The following TBC1D14 variants were observed in gnomAD, a reference collection of about 807,000 sequenced individuals.
TBC1D14 encodes the protein TBC1 domain family, member 14.
TBC1D14 carries 26 observed loss-of-function variants against 79.0 expected under a neutral mutation model. The ratio of observed to expected loss-of-function variants is 0.33; its 90% CI spans 0.24 to 0.46. TBC1D14 has a LOEUF of 0.46. Ranked by LOEUF, TBC1D14 falls within the 20% of genes least tolerant of loss-of-function variation. The pLI, the probability that TBC1D14 is intolerant of heterozygous loss-of-function variation, is 1.00. For synonymous variants in TBC1D14, 394 were observed against 349.9 expected (o/e 1.13, Z -1.40); for missense variants, 769 against 887.6 (o/e 0.87, Z 1.70).
At chr4:7,016,160 C>T (rs377368240) in intron 12 of TBC1D14, among the ~76,000 whole-genome samples, 2 of 152,230 alleles carry the variant, frequency 1.3e-5, no homozygotes, top group East Asian at 3.8e-4. Context: ...GTTCTCACTC[C>T]ACTGACCTTT....
At chr4:7,006,568 G>A in intron 8 of TBC1D14, 64 bp from the exon 9 acceptor site, 3 of 1,460,074 alleles carry the variant, frequency 2.1e-6, no homozygotes, top group South Asian at 2.4e-5. Context: ...AAACTTCAAA[G>A]GCTCGTAATT....
chr4:7,002,989 G>A (rs1049061938), intron 7 of TBC1D14, among the ~76,000 whole-genome samples: 13 of 152,172 alleles, frequency 8.5e-5, no homozygotes, highest in Non-Finnish European at 1.6e-4. Flanking sequence ...CCTAGGCCCA[G>A]GCTAATCCTA....
At chr4:7,002,713 TAAG>T in intron 7 of TBC1D14, among the ~76,000 whole-genome samples, 1 of 152,302 alleles carries the variant, frequency 6.6e-6, no homozygotes, top group South Asian at 2.1e-4. Flanking sequence ...GGCAGGCCCT[TAAG>T]AAATACCTGC....
At chr4:7,021,658 CT>C (rs10707809) in intron 12 of TBC1D14, among the ~76,000 whole-genome samples, 130,417 of 149,482 alleles carry the variant, frequency 0.87, 56,877 homozygotes, top group East Asian at 0.97. Context: ...CTTGAAATTA[CT>C]TTTTTTTTTT....
chr4:6,916,379 T>C (rs1383039429), intron 1 of TBC1D14, among the ~76,000 whole-genome samples: 1 of 152,142 alleles, frequency 6.6e-6, no homozygotes, highest in African/African-American at 2.4e-5. Flanking sequence ...CAGCATGACT[T>C]CTCCCTGAAG....
At chr4:6,943,190 A>T (rs1342239705) in intron 2 of TBC1D14, among the ~76,000 whole-genome samples, 1 of 151,806 alleles carries the variant, frequency 6.6e-6, no homozygotes. Context: ...GAAGCGGCAC[A>T]CACAACTCCA....
At chr4:6,919,551 C>T (rs1723668082) in intron 1 of TBC1D14, among the ~76,000 whole-genome samples, 1 of 152,116 alleles carries the variant, frequency 6.6e-6, no homozygotes, top group Non-Finnish European at 1.5e-5. Context: ...ATTACTATAA[C>T]ATTGTGATTA....
At chr4:6,962,204 G>A (rs977506367) in intron 2 of TBC1D14, among the ~76,000 whole-genome samples, 5 of 152,214 alleles carry the variant, frequency 3.3e-5, no homozygotes, top group Admixed American at 3.3e-4. Flanking sequence ...GCGCTGTGCA[G>A]GTATGGATGG....
chr4:7,014,662 C>T (rs1034536319), intron 12 of TBC1D14, 105 bp downstream of exon 12: 1 of 768,710 alleles, frequency 1.3e-6, no homozygotes. Context: ...GTCCTCATAT[C>T]CTGCTTTCCA....
At chr4:6,968,738 G>T (rs573200386) in intron 3 of TBC1D14, among the ~76,000 whole-genome samples, 1 of 105,970 alleles carries the variant, frequency 9.4e-6, no homozygotes, top group East Asian at 2.7e-4. Flanking sequence ...GGGCCTGTGC[G>T]CTGCACCCGG....
intron 2 of TBC1D14, among the ~76,000 whole-genome samples, chr4:6,943,465 A>G (rs28392702): frequency 0.59 from 89,712 of 152,116 alleles, 26,589 homozygotes; most frequent in East Asian, 0.67. Context: ...GGTGTGGCCT[A>G]CGGGGCGTGC....
chr4:7,023,902 C>T (rs1722078276), intron 12 of TBC1D14, among the ~76,000 whole-genome samples: 1 of 152,242 alleles, frequency 6.6e-6, no homozygotes, highest in South Asian at 2.1e-4. Flanking sequence ...TCTGGCTCTC[C>T]GTTCCCTCCT....
intron 2 of TBC1D14, among the ~76,000 whole-genome samples, chr4:6,932,404 T>A (rs1577477199): frequency 6.8e-6 from 1 of 147,110 alleles, no homozygotes; most frequent in African/African-American, 2.5e-5. Context: ...CTTGAAGATG[T>A]CAGTGACAAA....
Position 6,923,545 on chromosome 4 carries a change from C to G in TBC1D14, c.156C>G (p.Leu52=), listed in dbSNP as rs202214482. Residue 52 remains leucine (L), a synonymous_variant, in exon 2 of 14, where the codon CTC becomes CTG. Transcript: ENST00000409757. The stretch of plus-strand genomic sequence containing the variant: ...CTGAGTACGGGCCCAAGCTGAAACT[C>G]AGGGCTTTAGAAGACCGGCACAGCC... ...SAPEYGPKLK[L]RALEDRHSLQ... 1.2e-6 allele frequency: 2 copies of G among 1,614,072 alleles called. No individual in the cohort carries two copies. Among genetic ancestry groups the G allele is most frequent in the Non-Finnish European group, 1.7e-6 (2 of 1,180,046 alleles).
chr4:6,911,171 A>G (rs1049050025), intron 1 of TBC1D14, among the ~76,000 whole-genome samples: 25 of 152,240 alleles, frequency 1.6e-4, no homozygotes, highest in Non-Finnish European at 3.1e-4. Context: ...CCCTCCGACC[A>G]ACCCTCTTAC....
At chr4:7,007,747 C>G (rs890119837) in intron 9 of TBC1D14, 1 of 489,760 alleles carries the variant, frequency 2.0e-6, no homozygotes, top group African/African-American at 2.0e-5. Flanking sequence ...CCTTTTGCCC[C>G]AGTTCGTCTC....
chr4:7,001,231 A>G lies in TBC1D14; in HGVS notation c.1250A>G (p.Asn417Ser). The change falls in exon 7 of 14, where the codon AAC becomes AGC. Residue 417 changes from asparagine to serine, a missense_variant. Physicochemically the swap from Asn to Ser is conservative, Grantham distance 46 (BLOSUM62 1). This residue lies in a region of TBC1D14 where 367 missense variants were observed against 494.4 expected (regional missense o/e 0.74). Transcript: ENST00000409757. ...AAAGTCTGGAGCTTAGCCATTGGCAACGAGTTAAATATCACCCACGGTGAG... is the reference window on the plus strand; with the variant it reads ...AAAGTCTGGAGCTTAGCCATTGGCAGCGAGTTAAATATCACCCACGGTGAG... ...RGKVWSLAIG[N>S]ELNITHELFD... 1 of 1,614,110 alleles carries G rather than the reference A, an allele frequency of 6.2e-7. No individual in the cohort carries two copies. Among genetic ancestry groups the G allele is most frequent in the African/African-American group, 1.3e-5 (1 of 75,050 alleles).
intron 2 of TBC1D14, among the ~76,000 whole-genome samples, chr4:6,952,651 C>T (rs1360290349): frequency 1.3e-5 from 2 of 152,182 alleles, no homozygotes; most frequent in South Asian, 2.1e-4. Flanking sequence ...TCTTTGGTGC[C>T]TTGCATACAT....
At chr4:6,985,394 CCT>C (rs2109111805) in intron 3 of TBC1D14, among the ~76,000 whole-genome samples, 1 of 152,292 alleles carries the variant, frequency 6.6e-6, no homozygotes, top group African/African-American at 2.4e-5. Context: ...ACGACTTTTA[CCT>C]TTTTTAAAAT....
Sources: gnomAD v4.1 joint callset for allele counts (sites outside exome capture counted in the v4.1 genomes callset) on GRCh38, gnomAD v4.1.1 for gene constraint, gnomAD v4.1.1 regional missense constraint, MANE v1.5 for transcripts, NCBI Gene and HGNC (gene_info 2026-07-23, HGNC 2026-07-21) for gene names.